Variants in GCNT1 observed in about 807,000 individuals in gnomAD.
GCNT1 encodes the protein glucosaminyl (N-acetyl) transferase 1.
In GCNT1, 16 loss-of-function variants were observed where a neutral mutation model predicts 26.2. The ratio of observed to expected loss-of-function variants is 0.61; its 90% confidence interval spans 0.41 to 0.93. The LOEUF (loss-of-function observed/expected upper bound fraction) is 0.93, where lower values mean the gene tolerates loss of function less well. GCNT1 is among the 40% of genes least tolerant of loss of function. The pLI, the probability that GCNT1 is intolerant of heterozygous loss-of-function variation, is 0.00. For synonymous variants in GCNT1, 183 were observed against 190.8 expected, an observed-to-expected ratio of 0.96 and a Z score of 0.34; for missense variants, 477 against 526.7, an observed-to-expected ratio of 0.91 and a Z score of 0.92.
upstream of GCNT1, among the ~76,000 whole-genome samples, chr9:76,416,023 A>G (rs1012008334): frequency 2.6e-5 from 4 of 152,140 alleles, no homozygotes; most frequent in African/African-American, 9.7e-5. Flanking sequence ...GGCCCTACCC[A>G]CAAGCCTGGG....
chr9:76,398,698 A>C, the GCNT1 span: 1 of 1,260,266 alleles, frequency 7.9e-7, no homozygotes, highest in African/African-American at 1.5e-5. Flanking sequence ...AAACTTTCAC[A>C]ATGTCCGGAG....
At chr9:76,421,693 T>A (rs1444773872) in intron 1 of GCNT1, among the ~76,000 whole-genome samples, 2 of 136,870 alleles carry the variant, frequency 1.5e-5, no homozygotes, top group African/African-American at 2.7e-5. Context: ...TAGGTTGTTT[T>A]TTTTTTTTTT....
At chr9:76,416,299 G>A (rs1327948914), upstream of GCNT1, among the ~76,000 whole-genome samples, 1 of 152,086 alleles carries the variant, frequency 6.6e-6, no homozygotes, top group Non-Finnish European at 1.5e-5. Context: ...ATCCCACTAA[G>A]AGCCACCTCC....
intron 2 of GCNT1, among the ~76,000 whole-genome samples, chr9:76,491,113 C>T (rs1345653369): frequency 6.6e-6 from 1 of 151,968 alleles, no homozygotes; most frequent in Non-Finnish European, 1.5e-5. Context: ...TTCTCTTTGA[C>T]TTCTTCTTTG....
upstream of GCNT1, among the ~76,000 whole-genome samples, chr9:76,437,144 A>T (rs1037184948): frequency 1.8e-4 from 28 of 151,910 alleles, no homozygotes; most frequent in African/African-American, 6.3e-4. Context: ...ATATATGGGG[A>T]AAAAAAGAGA....
upstream of GCNT1, among the ~76,000 whole-genome samples, chr9:76,415,394 A>AT (rs1310072736): frequency 6.6e-6 from 1 of 152,000 alleles, no homozygotes; most frequent in Non-Finnish European, 1.5e-5. Flanking sequence ...TGCCCCTTGG[A>AT]TTTTTCCCCC....
chr9:76,459,779 C>T (rs1823832173), intron 1 of GCNT1, among the ~76,000 whole-genome samples: 1 of 152,136 alleles, frequency 6.6e-6, no homozygotes, highest in Admixed American at 6.6e-5. Context: ...ATGACTCACC[C>T]TGGAGCAAAC....
intron 2 of GCNT1, among the ~76,000 whole-genome samples, chr9:76,488,511 G>A (rs2131626146): frequency 6.6e-6 from 1 of 152,224 alleles, no homozygotes; most frequent in African/African-American, 2.4e-5. Flanking sequence ...TGGAGCTGGA[G>A]TCTTGCTCTG....
At chr9:76,479,332 T>C (rs1824351539) in intron 2 of GCNT1, among the ~76,000 whole-genome samples, 1 of 152,192 alleles carries the variant, frequency 6.6e-6, no homozygotes, top group African/African-American at 2.4e-5. Context: ...TGCATGTGTC[T>C]TTCTTTATAG....
rs369252814 is a variant in GCNT1 at position 76,503,678 on chromosome 9, G to A, written c.*10G>A. The A allele has an allele frequency of 3.8e-6, 6 of 1,596,652 alleles. No homozygotes were observed. The African/African-American group carries it at 8.1e-5, about 21-fold the overall frequency. On this transcript the variant is annotated 3_prime_UTR_variant, in exon 4 of 4. Coordinates refer to ENST00000376730, the MANE Select transcript of GCNT1 (RefSeq NM_001490.5). Reference sequence around the variant, plus strand: ...GACATTAAAACACTGACCATTACGGGCAATTTTATGAACAAGAAGAAGGAT... The same window carrying A: ...GACATTAAAACACTGACCATTACGGACAATTTTATGAACAAGAAGAAGGAT...
chr9:76,479,445 C>T lies in GCNT1; in HGVS notation c.-290+19268C>T, dbSNP rs550320914. ...CCTGAGGAATCGCCACACTGTCTTCCACAATGGTTGAACCAGTTTACAGTC... is the reference window on the plus strand; with the variant it reads ...CCTGAGGAATCGCCACACTGTCTTCTACAATGGTTGAACCAGTTTACAGTC... On this transcript the variant is annotated intron_variant, in intron 2 of 3. Coordinates refer to ENST00000376730, the MANE Select transcript of GCNT1 (RefSeq NM_001490.5). 5.7e-4 allele frequency among the ~76,000 whole-genome samples: 87 copies of T among 152,324 alleles called. No homozygotes were observed. The Middle Eastern group carries it at 0.02, about 36-fold the overall frequency.
chr9:76,409,978 A>G, the GCNT1 span, among the ~76,000 whole-genome samples: 2 of 152,132 alleles, frequency 1.3e-5, no homozygotes, highest in Non-Finnish European at 2.9e-5. Context: ...TTACTTCAAA[A>G]TATTTTAAAA....
chr9:76,451,853 T>C (rs1455820887), intron 1 of GCNT1, among the ~76,000 whole-genome samples: 1 of 152,188 alleles, frequency 6.6e-6, no homozygotes, highest in African/African-American at 2.4e-5. Context: ...CAGCATATTG[T>C]AGCAGACTAG....
At chr9:76,398,577 A>C in the GCNT1 span, 1 of 675,122 alleles carries the variant, frequency 1.5e-6, no homozygotes. Flanking sequence ...TATTTAATCA[A>C]ATGAGGTGAA....
At chr9:76,410,964 T>C in the GCNT1 span, among the ~76,000 whole-genome samples, 8 of 152,244 alleles carry the variant, frequency 5.3e-5, no homozygotes, top group South Asian at 2.1e-4. Context: ...CTGATCATTT[T>C]CCTTACTCTG....
At chr9:76,431,455 G>C (rs150085171) in intron 1 of GCNT1, among the ~76,000 whole-genome samples, 1 of 152,146 alleles carries the variant, frequency 6.6e-6, no homozygotes, top group Non-Finnish European at 1.5e-5. Flanking sequence ...TAAAAGTTAC[G>C]CATAGGGTGA....
chr9:76,492,889 T>C (rs1250010978), intron 2 of GCNT1, among the ~76,000 whole-genome samples: 1 of 152,062 alleles, frequency 6.6e-6, no homozygotes, highest in Non-Finnish European at 1.5e-5. Flanking sequence ...GTCCCTATTA[T>C]AGAATACCGA....
At chr9:76,479,258 G>A (rs1004049151) in intron 2 of GCNT1, among the ~76,000 whole-genome samples, 3 of 152,166 alleles carry the variant, frequency 2.0e-5, no homozygotes, top group African/African-American at 7.2e-5. Context: ...GTCTATCATT[G>A]TTGGACATTT....
upstream of GCNT1, among the ~76,000 whole-genome samples, chr9:76,456,904 AG>A (rs1161328209): frequency 1.3e-5 from 2 of 152,268 alleles, no homozygotes; most frequent in East Asian, 3.9e-4. Flanking sequence ...AGCAGGGGTA[AG>A]TTGAGGCTGC....
Sources: allele counts gnomAD v4.1 joint callset (sites outside exome capture counted in the v4.1 genomes callset), GRCh38; gene constraint gnomAD v4.1.1; transcripts MANE v1.5; gene names NCBI Gene and HGNC (gene_info 2026-07-23, HGNC 2026-07-21).